Variants in ZNF385D observed in about 807,000 individuals in gnomAD.
ZNF385D encodes the protein zinc finger protein 385D.
Under a neutral mutation model 35.8 loss-of-function variants are expected in ZNF385D, and 15 were observed. The observed-to-expected ratio is 0.42, with a 90% CI of 0.28 to 0.64. The LOEUF is 0.64. Ranked by LOEUF, ZNF385D falls within the 30% of genes least tolerant of loss-of-function variation. ZNF385D has a pLI of 0.23. For synonymous variants in ZNF385D, 212 were observed against 186.8 expected (o/e 1.13, Z -1.10); for missense variants, 474 against 494.6 (o/e 0.96, Z 0.39).
rs1373204973 is a variant in ZNF385D at position 22,096,488 on chromosome 3, A to T, written c.325+72329T>A. Among the ~76,000 whole-genome samples the T allele has an allele frequency of 9.2e-5, 14 of 152,166 alleles. 1 individual carries two copies. The highest frequency in any genetic ancestry group is 5.9e-4 in the Admixed American group (9 of 15,246). ...TGATTTAAAAATATAGAGACATATAACTCTAATAAGAACTCTCCTCATCAG... is the reference window on the plus strand; with the variant it reads ...TGATTTAAAAATATAGAGACATATATCTCTAATAAGAACTCTCCTCATCAG... On this transcript the variant is annotated intron_variant, in intron 3 of 5. Transcript: ENST00000494108.
intron 3 of ZNF385D, among the ~76,000 whole-genome samples, chr3:22,067,605 A>G (rs538907737): frequency 6.6e-6 from 1 of 152,364 alleles, no homozygotes; most frequent in South Asian, 2.1e-4. Flanking sequence ...GTACACTTCA[A>G]TGTTCACAGC....
intron 2 of ZNF385D, among the ~76,000 whole-genome samples, chr3:22,357,077 T>C (rs1360948241): frequency 2.0e-5 from 3 of 151,888 alleles, no homozygotes; most frequent in Non-Finnish European, 4.4e-5. Context: ...GAAAATTCCA[T>C]CATTGATTAT....
intron 2 of ZNF385D, among the ~76,000 whole-genome samples, chr3:22,272,283 C>T (rs935132932): frequency 6.6e-6 from 1 of 151,930 alleles, no homozygotes; most frequent in African/African-American, 2.4e-5. Context: ...ATGGGATTAG[C>T]AGGATGCATC....
chr3:21,953,262 CT>C lies in ZNF385D; in HGVS notation c.325+215554del, dbSNP rs35256658. On this transcript the variant is annotated intron_variant, in intron 3 of 5. Transcript: ENST00000494108. ...TACAAACTAGAGGCTCAGAATAAAA[CT>C]TTTTTTTTTTTCCTCTAAAAAGTTA... Among the ~76,000 whole-genome samples the C allele has an allele frequency of 2.5e-3, 365 of 147,230 alleles. 2 individuals carry two copies. Among genetic ancestry groups the C allele is most frequent in the African/African-American group, 6.3e-3 (256 of 40,518 alleles).
At chr3:22,294,936 T>C (rs1358731235) in intron 2 of ZNF385D, among the ~76,000 whole-genome samples, 2 of 152,096 alleles carry the variant, frequency 1.3e-5, no homozygotes, top group Non-Finnish European at 2.9e-5. Context: ...GATATCTATT[T>C]TCCATTACAG....
chr3:22,104,835 C>G (rs1203301787), intron 3 of ZNF385D, among the ~76,000 whole-genome samples: 1 of 152,120 alleles, frequency 6.6e-6, no homozygotes, highest in African/African-American at 2.4e-5. Context: ...TCAAAAGAGT[C>G]TCTGAACTTG....
chr3:22,031,269 G>T (rs917571615), intron 3 of ZNF385D, among the ~76,000 whole-genome samples: 5 of 152,184 alleles, frequency 3.3e-5, no homozygotes, highest in East Asian at 1.9e-4. Context: ...TTCTGTGGGG[G>T]CTCCAAGCCC....
chr3:21,441,563 A>G (rs1701861146), intron 4 of ZNF385D: 1 of 312,686 alleles, frequency 3.2e-6, no homozygotes, highest in Non-Finnish European at 4.6e-6. Context: ...TATAAAAGAA[A>G]CTAAGCGTGG....
At chr3:22,009,704 TAAA>T (rs1696450537) in intron 3 of ZNF385D, among the ~76,000 whole-genome samples, 1 of 151,986 alleles carries the variant, frequency 6.6e-6, no homozygotes. Flanking sequence ...TTAGAAAATT[TAAA>T]ATATGCAAGT....
intron 3 of ZNF385D, among the ~76,000 whole-genome samples, chr3:22,049,297 A>AAAAATAAAATTAAAATAAAAT (rs1699201109): frequency 7.1e-6 from 1 of 141,486 alleles, no homozygotes; most frequent in Non-Finnish European, 1.5e-5. Flanking sequence ...ACTCAATCTC[A>AAAAATAAAATTAAAATAAAAT]AAAATAAAAT....
intron 3 of ZNF385D, among the ~76,000 whole-genome samples, chr3:22,021,021 A>G (rs1481511645): frequency 6.6e-6 from 1 of 151,930 alleles, no homozygotes; most frequent in African/African-American, 2.4e-5. Context: ...AATAAGTCAG[A>G]CAAATATTTC....
intron 3 of ZNF385D, among the ~76,000 whole-genome samples, chr3:21,941,289 GAAT>G (rs1701502704): frequency 6.6e-6 from 1 of 151,660 alleles, no homozygotes; most frequent in African/African-American, 2.4e-5. Context: ...GTTATTATGA[GAAT>G]ACCAATACAT....
At chr3:22,212,610 C>T (rs1020048343) in intron 2 of ZNF385D, among the ~76,000 whole-genome samples, 4 of 151,956 alleles carry the variant, frequency 2.6e-5, no homozygotes, top group African/African-American at 9.6e-5. Context: ...TTTCAAGTGG[C>T]TATTTTAAAT....
At position 21,943,838 on chromosome 3, in the gene ZNF385D, T is replaced by C. The variant is rs183376928; in HGVS notation, c.325+224979A>G. Among the ~76,000 whole-genome samples, 13 of 152,304 alleles carry C rather than the reference T, an allele frequency of 8.5e-5. No homozygotes were observed. In the East Asian group the frequency reaches 2.5e-3, roughly 29 times the overall value. ...ACTAAGCCTGAAAACACTGATGCAT[T>C]TTGTTGCATATGGAAATACAAAGAA... On this transcript the variant is annotated intron_variant, in intron 3 of 5. Coordinates refer to the ZNF385D transcript ENST00000494108.
chr3:21,687,498 GT>G (rs2125332434), intron 1 of ZNF385D, among the ~76,000 whole-genome samples: 1 of 152,188 alleles, frequency 6.6e-6, no homozygotes, highest in East Asian at 1.9e-4. Context: ...CGCTACACAT[GT>G]ATAGCTTTTT....
At chr3:21,798,649 G>T (rs774275282) in intron 3 of ZNF385D, among the ~76,000 whole-genome samples, 4 of 151,938 alleles carry the variant, frequency 2.6e-5, no homozygotes, top group Non-Finnish European at 4.4e-5. Flanking sequence ...TTTCATCTAT[G>T]CCACATAATG....
intron 1 of ZNF385D, among the ~76,000 whole-genome samples, chr3:21,740,808 C>T (rs1418039468): frequency 6.7e-6 from 1 of 150,002 alleles, no homozygotes; most frequent in African/African-American, 2.5e-5. Flanking sequence ...GTTAAAATTT[C>T]CCATCTCAGT....
chr3:22,014,593 A>G (rs994647203), intron 3 of ZNF385D, among the ~76,000 whole-genome samples: 3 of 152,124 alleles, frequency 2.0e-5, no homozygotes, highest in African/African-American at 7.2e-5. Flanking sequence ...TTATACATAA[A>G]AGTCTCAGAA....
At chr3:21,662,565 T>C (rs1378410969) in intron 2 of ZNF385D, among the ~76,000 whole-genome samples, 1 of 152,184 alleles carries the variant, frequency 6.6e-6, no homozygotes, top group Non-Finnish European at 1.5e-5. Context: ...AAGGAAATGC[T>C]CTGTGCCCTA....
Sources: gnomAD v4.1 joint callset for allele counts (sites outside exome capture counted in the v4.1 genomes callset) on GRCh38, gnomAD v4.1.1 for gene constraint, MANE v1.5 for transcripts, NCBI Gene and HGNC (gene_info 2026-07-23, HGNC 2026-07-21) for gene names.